The following CAST variants were observed in gnomAD, a reference collection of about 807,000 sequenced individuals.
CAST encodes MIR583 host.
CAST carries 76 observed loss-of-function variants against 119.6 expected under a neutral mutation model. That is an observed-to-expected ratio of 0.64 (90% CI 0.53 to 0.77). The LOEUF (loss-of-function observed/expected upper bound fraction) is 0.77, where lower values mean the gene tolerates loss of function less well. CAST is among the 30% of genes least tolerant of loss of function. The pLI, the probability that CAST is intolerant of heterozygous loss-of-function variation, is 0.00. For missense variants in CAST, 953 were observed against 946.5 expected (o/e 1.01, Z -0.09); for synonymous variants, 319 against 331.6 (o/e 0.96, Z 0.41).
intron 19 of CAST, among the ~76,000 whole-genome samples, chr5:96,748,944 C>T (rs533053988): frequency 6.1e-4 from 93 of 152,210 alleles, no homozygotes; most frequent in Non-Finnish European, 8.7e-4. Flanking sequence ...CCTTCATGTC[C>T]GCCGGACTCA....
chr5:96,727,385 C>A (rs1345214663), intron 5 of CAST, 104 bp from the exon 6 acceptor site: 2 of 579,618 alleles, frequency 3.5e-6, no homozygotes, highest in Non-Finnish European at 3.0e-6. Flanking sequence ...AAAATCATCT[C>A]TTTTGAGTTT....
chr5:96,635,556 T>C (rs1166856732), intron 1 of CAST, among the ~76,000 whole-genome samples: 1 of 152,224 alleles, frequency 6.6e-6, no homozygotes, highest in Non-Finnish European at 1.5e-5. Flanking sequence ...TATATAGATG[T>C]AATCTCTCTG....
chr5:96,584,040 G>C (rs182156817), intron 1 of CAST, among the ~76,000 whole-genome samples: 86 of 152,292 alleles, frequency 5.6e-4, no homozygotes, highest in African/African-American at 1.8e-3. Context: ...GATAGGTATG[G>C]AATTCCGATG....
At chr5:96,114,278 C>A in the CAST span, among the ~76,000 whole-genome samples, 9 of 152,226 alleles carry the variant, frequency 5.9e-5, no homozygotes, top group African/African-American at 2.2e-4. Context: ...GGTCTGTGGA[C>A]CAGCAATGTC....
the CAST span, among the ~76,000 whole-genome samples, chr5:96,432,508 G>C: frequency 6.6e-6 from 1 of 152,216 alleles, no homozygotes; most frequent in African/African-American, 2.4e-5. Context: ...TTCTCCCGGG[G>C]GCGCTTGGTT....
At chr5:96,256,245 G>T in the CAST span, among the ~76,000 whole-genome samples, 2 of 147,438 alleles carry the variant, frequency 1.4e-5, no homozygotes, top group South Asian at 2.1e-4. Flanking sequence ...AATTTATACA[G>T]TATTTATGTG....
At chr5:96,358,486 C>G in the CAST span, among the ~76,000 whole-genome samples, 1 of 152,138 alleles carries the variant, frequency 6.6e-6, no homozygotes, top group Non-Finnish European at 1.5e-5. Context: ...AAATTTCCCC[C>G]TAAACACTTC....
upstream of CAST, among the ~76,000 whole-genome samples, chr5:96,523,786 A>C (rs1449523767): frequency 6.6e-6 from 1 of 152,192 alleles, no homozygotes; most frequent in Non-Finnish European, 1.5e-5. Flanking sequence ...TCCAGCCACC[A>C]GGAAAAAGGA....
the CAST span, among the ~76,000 whole-genome samples, chr5:96,357,951 ATCTGGTCCTGAACTT>A: frequency 6.6e-6 from 1 of 152,142 alleles, no homozygotes; most frequent in African/African-American, 2.4e-5. Context: ...CTGTGAATCC[ATCTGGTCCTGAACTT>A]TTTTTTGTTG....
rs1772411431 is a variant in CAST at position 96,771,719 on chromosome 5, T to C, written c.*23+17T>C. On this transcript the variant is annotated intron_variant, in intron 31 of 31. Coordinates refer to ENST00000675179, the MANE Select transcript of CAST (RefSeq NM_001750.7). ...AGGTATCTGGTAAGTTGGGTGTTTA[T>C]TTGTAAATGAAGACAACTGTATCTT... 1 of 1,533,474 alleles carries C rather than the reference T, an allele frequency of 6.5e-7. No homozygotes were observed. Among genetic ancestry groups the C allele is most frequent in the African/African-American group, 1.4e-5 (1 of 73,192 alleles). 95.0% of individuals were successfully genotyped at this position (1,533,474 alleles called of 1,614,324 possible). A position where few individuals can be genotyped will look rare whatever the true frequency, so the allele number is the denominator to read the frequency against.
chr5:96,449,457 C>A, the CAST span, among the ~76,000 whole-genome samples: 1 of 152,134 alleles, frequency 6.6e-6, no homozygotes, highest in African/African-American at 2.4e-5. Flanking sequence ...CTGAAACCAT[C>A]CCCCAACCCT....
chr5:96,414,672 G>T, the CAST span, among the ~76,000 whole-genome samples: 1 of 152,190 alleles, frequency 6.6e-6, no homozygotes, highest in African/African-American at 2.4e-5. Flanking sequence ...TCATTACCTT[G>T]AGCAGCTTGC....
At chr5:96,400,974 C>G in the CAST span, among the ~76,000 whole-genome samples, 3 of 150,216 alleles carry the variant, frequency 2.0e-5, no homozygotes, top group African/African-American at 7.4e-5. Flanking sequence ...GTAGTCCCAG[C>G]TACTCGGGAG....
rs529745273 is a variant in CAST at position 96,698,258 on chromosome 5, G to T, written c.210+2351G>T. Among the ~76,000 whole-genome samples, 9 of 152,220 alleles carry T rather than the reference G, an allele frequency of 5.9e-5. No homozygotes were observed. The East Asian group carries it at 1.7e-3, about 29-fold the overall frequency. Reference sequence around the variant, plus strand: ...GAGATGGGATAGTTATAAAGAATTTGAACATCTCCCCACAAACCCTGTTCT... The same window carrying T: ...GAGATGGGATAGTTATAAAGAATTTTAACATCTCCCCACAAACCCTGTTCT... On this transcript the variant is annotated intron_variant, in intron 3 of 31. Transcript: ENST00000675179.
chr5:96,429,141 G>A, the CAST span: 11 of 825,122 alleles, frequency 1.3e-5, no homozygotes, highest in East Asian at 2.7e-4. Flanking sequence ...AAATGCTTCT[G>A]TTTTTATTAG....
At chr5:96,248,935 G>A in the CAST span, among the ~76,000 whole-genome samples, 1 of 152,206 alleles carries the variant, frequency 6.6e-6, no homozygotes, top group African/African-American at 2.4e-5. Context: ...TTCTACTCAT[G>A]TATTGTTAGG....
the CAST span, among the ~76,000 whole-genome samples, chr5:96,231,167 A>G: frequency 6.6e-6 from 1 of 152,180 alleles, no homozygotes; most frequent in African/African-American, 2.4e-5. Context: ...TGTCTAAACA[A>G]CATCTTGTAA....
chr5:96,655,867 A>C (rs1023228525), intron 1 of CAST, among the ~76,000 whole-genome samples: 5 of 152,254 alleles, frequency 3.3e-5, no homozygotes, highest in African/African-American at 1.2e-4. Context: ...CAGCCAATTA[A>C]AACAACAAAA....
At chr5:96,388,578 T>C in the CAST span, among the ~76,000 whole-genome samples, 3,370 of 152,278 alleles carry the variant, frequency 0.022, 123 homozygotes, top group African/African-American at 0.078. Context: ...TCCAAGAAAG[T>C]ATACTCTGTC....
Sources: allele counts gnomAD v4.1 joint callset (sites outside exome capture counted in the v4.1 genomes callset), GRCh38; gene constraint gnomAD v4.1.1; transcripts MANE v1.5; gene names NCBI Gene and HGNC (gene_info 2026-07-23, HGNC 2026-07-21).